Variants in SYNPO2 observed in about 807,000 individuals in gnomAD.
The protein encoded by SYNPO2 is synaptopodin 2, also known as synaptopodin-2.
A neutral mutation model predicts 85.0 loss-of-function variants in SYNPO2; 56 were observed. The observed-to-expected ratio is 0.66, with a 90% CI of 0.53 to 0.82. The LOEUF (loss-of-function observed/expected upper bound fraction) is 0.82. SYNPO2 is among the 40% of genes least tolerant of loss of function. SYNPO2 has a pLI of 0.00. For synonymous variants in SYNPO2, 602 were observed against 591.1 expected (o/e 1.02, Z -0.27); for missense variants, 1,575 against 1,534.2 (o/e 1.03, Z -0.44).
intron 1 of SYNPO2, among the ~76,000 whole-genome samples, chr4:118,864,461 C>G (rs1731668580): frequency 6.6e-6 from 1 of 152,116 alleles, no homozygotes; most frequent in Admixed American, 6.5e-5. Context: ...GTCCATTTAG[C>G]CTATGGTGCA....
rs559107979 is a variant in SYNPO2 at position 118,962,163 on chromosome 4, T to G, written c.106-61267T>G. ...CAATGGATGAATTCCTGAGAGCAGA[T>G]GAGCTCACTGAGGGACTGCTTTTTG... On this transcript the variant is annotated intron_variant, in intron 1 of 4. Coordinates refer to ENST00000307142, the MANE Select transcript of SYNPO2 (RefSeq NM_133477.3). Among the ~76,000 whole-genome samples, 90 of 152,256 alleles carry G rather than the reference T, an allele frequency of 5.9e-4. 2 individuals carry two copies. Among genetic ancestry groups the G allele is most frequent in the African/African-American group, 2.2e-3 (90 of 41,550 alleles).
In SYNPO2 at chr4:118,871,195, A is replaced by G. The variant is rs559292153; in HGVS notation, c.12+20255A>G. On this transcript the variant is annotated intron_variant, in intron 1 of 4. Coordinates refer to the SYNPO2 transcript ENST00000610556. ...CAAATGTCACCTCCACATGACAGAT[A>G]GCTTTCCTTGGAGTAGCCAACCTTC... Among the ~76,000 whole-genome samples the G allele has an allele frequency of 2.6e-5, 4 of 152,358 alleles. No homozygotes were observed. The East Asian group carries it at 5.8e-4, about 22-fold the overall frequency.
chr4:119,051,997 G>A (rs1042093016), intron 4 of SYNPO2, among the ~76,000 whole-genome samples: 1 of 152,114 alleles, frequency 6.6e-6, no homozygotes, highest in Non-Finnish European at 1.5e-5. Flanking sequence ...GCGTGGAGGG[G>A]GTTTCACCTT....
chr4:118,899,022 G>A (rs1297707324), intron 1 of SYNPO2, among the ~76,000 whole-genome samples: 1 of 152,172 alleles, frequency 6.6e-6, no homozygotes, highest in African/African-American at 2.4e-5. Flanking sequence ...TGTCTAGTCG[G>A]AGGGGAGCAC....
chr4:118,970,003 T>C (rs1735477334), intron 1 of SYNPO2, among the ~76,000 whole-genome samples: 1 of 152,206 alleles, frequency 6.6e-6, no homozygotes, highest in Admixed American at 6.5e-5. Context: ...TATTATTAAT[T>C]AACAGCATTA....
Position 119,038,068 on chromosome 4 carries a change from C to A in SYNPO2, c.3252+6041C>A, listed in dbSNP as rs118094892. ...GTGCAACAATCACTAAGCTTATAAG[C>A]AGTGGATTAGGGTTAGATTTAGATA... On this transcript the variant is annotated intron_variant, in intron 4 of 4. Coordinates refer to ENST00000307142, the MANE Select transcript of SYNPO2 (RefSeq NM_133477.3). The A allele has an allele frequency of 5.6e-5, 48 of 863,654 alleles. 1 individual carries two copies. The East Asian group carries it at 5.3e-3, about 96-fold the overall frequency. 53.5% of individuals were successfully genotyped at this position (863,654 alleles called of 1,614,324 possible).
chr4:118,852,667 T>A (rs762891597), intron 1 of SYNPO2, among the ~76,000 whole-genome samples: 18 of 152,092 alleles, frequency 1.2e-4, no homozygotes, highest in Non-Finnish European at 2.4e-4. Context: ...AGCTAAATGA[T>A]GAGAACACAT....
intron 1 of SYNPO2, among the ~76,000 whole-genome samples, chr4:119,008,789 C>T (rs562584595): frequency 2.0e-5 from 3 of 152,104 alleles, no homozygotes; most frequent in African/African-American, 7.2e-5. Context: ...TTAACTCTTA[C>T]TAAACATTTT....
At chr4:119,013,444 A>T (rs1176102970) in intron 1 of SYNPO2, among the ~76,000 whole-genome samples, 1 of 152,250 alleles carries the variant, frequency 6.6e-6, no homozygotes, top group African/African-American at 2.4e-5. Flanking sequence ...ATTGCAAGCC[A>T]TACTAGCCAT....
At chr4:118,894,330 T>G (rs1578525504) in intron 1 of SYNPO2, among the ~76,000 whole-genome samples, 1 of 151,928 alleles carries the variant, frequency 6.6e-6, no homozygotes, top group Middle Eastern at 3.4e-3. Flanking sequence ...GGTGGGAGGG[T>G]TTTCCCTTTC....
chr4:119,036,028 A>G (rs1410112669), intron 4 of SYNPO2: 3 of 985,266 alleles, frequency 3.0e-6, no homozygotes, highest in African/African-American at 1.7e-5. Flanking sequence ...TTTAGATTTA[A>G]TTTCTCAAAT....
chr4:118,896,438 T>G (rs1732552712), intron 1 of SYNPO2, among the ~76,000 whole-genome samples: 1 of 152,194 alleles, frequency 6.6e-6, no homozygotes, highest in African/African-American at 2.4e-5. Context: ...GAGGTTCTTA[T>G]AAAAGCAAAT....
At chr4:118,948,708 T>C (rs1242737133) in intron 1 of SYNPO2, among the ~76,000 whole-genome samples, 1 of 152,132 alleles carries the variant, frequency 6.6e-6, no homozygotes, top group East Asian at 1.9e-4. Context: ...CCAGCTCTTA[T>C]GTGAACTAAT....
At chr4:119,047,282 A>T (rs1738901229) in intron 4 of SYNPO2, among the ~76,000 whole-genome samples, 1 of 151,882 alleles carries the variant, frequency 6.6e-6, no homozygotes, top group East Asian at 1.9e-4. Context: ...CTGATCATGA[A>T]CTCCTTACCT....
intron 1 of SYNPO2, among the ~76,000 whole-genome samples, chr4:118,951,225 A>G (rs1734685315): frequency 6.6e-6 from 1 of 152,182 alleles, no homozygotes; most frequent in African/African-American, 2.4e-5. Context: ...GTCCAAGATC[A>G]AGGTGCCAGC....
chr4:118,930,155 AT>A (rs990516926), intron 1 of SYNPO2, among the ~76,000 whole-genome samples: 2 of 152,166 alleles, frequency 1.3e-5, no homozygotes, highest in Non-Finnish European at 2.9e-5. Flanking sequence ...TGTGCCAGGT[AT>A]AATGCTAATG....
At position 118,915,436 on chromosome 4, in the gene SYNPO2, G is replaced by T. The variant is rs192912027; in HGVS notation, c.105+26295G>T. Reference sequence around the variant, plus strand: ...AGTTGGTTTTAGCTTTTTTAAAAGGGTACCATGCTGTATGTAATCTTCGGG... The same window carrying T: ...AGTTGGTTTTAGCTTTTTTAAAAGGTTACCATGCTGTATGTAATCTTCGGG... On this transcript the variant is annotated intron_variant, in intron 1 of 4. Coordinates refer to ENST00000307142, the MANE Select transcript of SYNPO2 (RefSeq NM_133477.3). Among the ~76,000 whole-genome samples, 41 of 152,172 alleles carry T rather than the reference G, an allele frequency of 2.7e-4. No homozygotes were observed. In the East Asian group the frequency reaches 6.6e-3, roughly 24 times the overall value.
chr4:119,034,330 T>C (rs1318155303), intron 4 of SYNPO2: 2 of 980,340 alleles, frequency 2.0e-6, no homozygotes, highest in African/African-American at 3.5e-5. Flanking sequence ...AAAAGTATCC[T>C]AGGATGGTAA....
At chr4:118,949,177 T>C (rs1389837612) in intron 1 of SYNPO2, among the ~76,000 whole-genome samples, 1 of 152,082 alleles carries the variant, frequency 6.6e-6, no homozygotes, top group Non-Finnish European at 1.5e-5. Flanking sequence ...GGAATGACAA[T>C]GGTTCGTGGA....
Sources: gnomAD v4.1 joint callset for allele counts (sites outside exome capture counted in the v4.1 genomes callset) on GRCh38, gnomAD v4.1.1 for gene constraint, MANE v1.5 for transcripts, NCBI Gene and HGNC (gene_info 2026-07-23, HGNC 2026-07-21) for gene names.